Variants in TPO observed in about 807,000 individuals in gnomAD.
The protein encoded by TPO is thyroid microsomal antigen.
Under a neutral mutation model 96.9 loss-of-function variants are expected in TPO, and 78 were observed. That is an observed-to-expected ratio of 0.81 (90% CI 0.67 to 0.97). The LOEUF (loss-of-function observed/expected upper bound fraction) is 0.97. Ranked by LOEUF, TPO falls within the 50% of genes least tolerant of loss-of-function variation. TPO has a pLI of 0.00. For synonymous variants in TPO, 547 were observed against 538.0 expected, an observed-to-expected ratio of 1.02 and a Z score of -0.23; for missense variants, 1,252 against 1,274.8, an observed-to-expected ratio of 0.98 and a Z score of 0.27.
chr2:1,463,964 T>C (rs889032330), intron 7 of TPO, among the ~76,000 whole-genome samples: 1 of 152,204 alleles, frequency 6.6e-6, no homozygotes, highest in African/African-American at 2.4e-5. Context: ...AGTTCTTTAG[T>C]GGTGATTTGT....
rs756977124 is a variant in TPO, at chr2:1,496,700, T to C, written c.2321T>C (p.Leu774Pro). ...TATTCCTGCCGGCACGGGTATGAGC[T>C]CCAAGGCCGGGAGCAGCTCACTTGC... is the stretch of plus-strand genomic sequence containing the variant. ...LVYSCRHGYE[L>P]QGREQLTCTQ... is the part of the protein sequence containing the mutation. Residue 774 changes from leucine (L) to proline (P), a missense_variant, in exon 13 of 17, where the codon CTC becomes CCC. Coordinates refer to ENST00000329066, the MANE Select transcript of TPO (RefSeq NM_001206744.2). 1.2e-6 allele frequency: 2 copies of C among 1,614,014 alleles called. No individual in the cohort carries two copies. Among genetic ancestry groups the C allele is most frequent in the Non-Finnish European group, 1.7e-6 (2 of 1,180,014 alleles).
chr2:1,375,128 G>GA (rs5828815), intron 1 of TPO, among the ~76,000 whole-genome samples: 3 of 151,374 alleles, frequency 2.0e-5, no homozygotes, highest in Admixed American at 6.6e-5. Flanking sequence ...TTTAAAAAGG[G>GA]AAAAAAAAGC....
rs1002844032 is a variant in TPO at position 1,426,064 on chromosome 2, T to G, written c.179+2935T>G. 4.3e-5 allele frequency among the ~76,000 whole-genome samples: 6 copies of G among 139,644 alleles called. No individual in the cohort carries two copies. The South Asian group carries it at 9.6e-4, about 22-fold the overall frequency. The allele number at this position is 139,644 out of a possible 152,430, so 91.6% of individuals were successfully genotyped here. A position where few individuals can be genotyped will look rare whatever the true frequency, so the allele number is the denominator to read the frequency against. ...TCCGTGCTCCTTCCATAAAGTCATTTTTCTAGATGCTGGGATACAGAGATG... is the reference window on the plus strand; with the variant it reads ...TCCGTGCTCCTTCCATAAAGTCATTGTTCTAGATGCTGGGATACAGAGATG... On this transcript the variant is annotated intron_variant, in intron 3 of 16. Transcript: ENST00000329066.
intron 7 of TPO, among the ~76,000 whole-genome samples, chr2:1,459,595 C>G (rs1668214215): frequency 6.6e-6 from 1 of 152,076 alleles, no homozygotes; most frequent in African/African-American, 2.4e-5. Context: ...CAGGCTGGTC[C>G]CTGGAAGGTG....
intron 15 of TPO, among the ~76,000 whole-genome samples, chr2:1,530,020 C>T (rs1269464871): frequency 1.4e-5 from 2 of 143,058 alleles, no homozygotes; most frequent in African/African-American, 2.7e-5. Flanking sequence ...CTGTGTGCAA[C>T]CTCCCCAAAT....
Position 1,456,227 on chromosome 2 carries a change from G to T in TPO, c.764G>T (p.Gly255Val), listed in dbSNP as rs1243967960. Residue 255 changes from glycine to valine, a missense_variant, in exon 7 of 17, where the codon GGA (glycine) becomes GTA (valine). Coordinates refer to ENST00000329066, the MANE Select transcript of TPO (RefSeq NM_001206744.2). ...AGCACCAGCAAAGCTGCCTTCGGGG[G>T]AGGGGCTGACTGCCAGATGACTTGT... ...PQSTSKAAFG[G>V]GADCQMTCEN... is the part of the protein sequence containing the mutation. The T allele has an allele frequency of 2.5e-6, 4 of 1,614,022 alleles. No homozygotes were observed. Among genetic ancestry groups the T allele is most frequent in the African/African-American group, 1.3e-5 (1 of 74,946 alleles).
chr2:1,400,568 C>CA (rs34242408), intron 1 of TPO, among the ~76,000 whole-genome samples: 30,688 of 71,226 alleles, frequency 0.43, 6,333 homozygotes, highest in Non-Finnish European at 0.49. Context: ...GACTCTGTCT[C>CA]AAAAAAAAAA....
At chr2:1,480,810 C>CGTCCTCACCACGTCCCTGCTGCTGCGTCT (rs1670540967) in intron 8 of TPO, among the ~76,000 whole-genome samples, 14 of 120,396 alleles carry the variant, frequency 1.2e-4, no homozygotes, top group East Asian at 4.8e-4. Context: ...CTGCTGCATC[C>CGTCCTCACCACGTCCCTGCTGCTGCGTCT]GTCCACACCA....
intron 7 of TPO, among the ~76,000 whole-genome samples, chr2:1,463,831 C>G (rs569411126): frequency 6.6e-6 from 1 of 152,346 alleles, no homozygotes; most frequent in African/African-American, 2.4e-5. Flanking sequence ...TCCTCATGCA[C>G]ACCAATGTGT....
Position 1,539,807 on chromosome 2 carries a change from A to G in TPO, c.2619-787A>G, listed in dbSNP as rs28915670. 4.4e-3 allele frequency among the ~76,000 whole-genome samples: 657 copies of G among 149,418 alleles called. 7 individuals are homozygous for G. Among genetic ancestry groups the G allele is most frequent in the African/African-American group, 0.016 (642 of 40,158 alleles). On this transcript the variant is annotated intron_variant, in intron 15 of 16. Coordinates refer to ENST00000329066, the MANE Select transcript of TPO (RefSeq NM_001206744.2). ...GCTCAGGACCGGTGATGATGGTGCC[A>G]TGCAGAGTTCAGGGATGAATGACCA...
intron 1 of TPO, 128 bp from the exon 2 acceptor site, chr2:1,414,280 C>T (rs1430654008): frequency 5.7e-6 from 5 of 873,534 alleles, no homozygotes; most frequent in African/African-American, 1.7e-5. Flanking sequence ...CTGTGAGGGT[C>T]GCTCACTGCG....
chr2:1,435,814 CA>C (rs1665511187), intron 4 of TPO, among the ~76,000 whole-genome samples: 1 of 152,124 alleles, frequency 6.6e-6, no homozygotes, highest in African/African-American at 2.4e-5. Context: ...ATTTTTTCTA[CA>C]TTAGGGTTCG....
chr2:1,401,832 T>A (rs1367977341), intron 1 of TPO, among the ~76,000 whole-genome samples: 1 of 152,198 alleles, frequency 6.6e-6, no homozygotes, highest in Non-Finnish European at 1.5e-5. Flanking sequence ...CACACCCCTG[T>A]GGGTATTTGT....
chr2:1,413,548 CAGGTTGTAA>C lies in TPO; in HGVS notation c.-2+6_-2+14del. The C allele has an allele frequency of 2.0e-6, 1 of 503,860 alleles. No homozygotes were observed. 31.2% of individuals were successfully genotyped at this position (503,860 alleles called of 1,614,324 possible). A position where few individuals can be genotyped will look rare whatever the true frequency, so the allele number is the denominator to read the frequency against. On this transcript the variant is annotated splice_donor_5th_base_variant and intron_variant, in intron 1 of 16. Transcript: ENST00000329066. ...GTTGGCTGAGAAGAGGAAAAAAGGT[CAGGTTGTAA>C]AGCTTTTTATTTTTCCATTTTCTAA...
intron 9 of TPO, among the ~76,000 whole-genome samples, chr2:1,487,282 C>T (rs960727090): frequency 3.9e-5 from 6 of 152,142 alleles, no homozygotes; most frequent in Admixed American, 3.3e-4. Flanking sequence ...CTTCTCCAGG[C>T]CCCTTTCTTT....
chr2:1,475,481 T>G (rs1669813602), intron 7 of TPO, among the ~76,000 whole-genome samples: 1 of 151,866 alleles, frequency 6.6e-6, no homozygotes, highest in African/African-American at 2.4e-5. Flanking sequence ...AGGAGTACAG[T>G]GGCCCAATCT....
upstream of TPO, among the ~76,000 whole-genome samples, chr2:1,411,736 G>A (rs1662362138): frequency 6.6e-6 from 1 of 152,122 alleles, no homozygotes; most frequent in Admixed American, 6.5e-5. Context: ...GGAGGCTCAT[G>A]GCCACGGCCC....
intron 9 of TPO, among the ~76,000 whole-genome samples, chr2:1,485,491 A>G (rs1671072812): frequency 6.6e-6 from 1 of 151,994 alleles, no homozygotes; most frequent in African/African-American, 2.4e-5. Context: ...ACTGTCTTCC[A>G]CAATGGTTGA....
At chr2:1,423,425 C>T (rs770097728) in intron 3 of TPO, among the ~76,000 whole-genome samples, 4 of 152,140 alleles carry the variant, frequency 2.6e-5, no homozygotes, top group Non-Finnish European at 4.4e-5. Flanking sequence ...CCTCTCTTCT[C>T]CAGGATTAGG....
Sources: allele counts gnomAD v4.1 joint callset (sites outside exome capture counted in the v4.1 genomes callset), GRCh38; gene constraint gnomAD v4.1.1; transcripts MANE v1.5; gene names NCBI Gene and HGNC (gene_info 2026-07-23, HGNC 2026-07-21).